The following NLRP1 variants were observed in gnomAD, a reference collection of about 807,000 sequenced individuals.
NLRP1 encodes the protein NLR family pyrin domain containing 1.
A neutral mutation model predicts 136.7 loss-of-function variants in NLRP1; 94 were observed. The observed-to-expected ratio is 0.69, with a 90% CI of 0.58 to 0.82. NLRP1 has a LOEUF of 0.82. NLRP1 is among the 40% of genes least tolerant of loss of function. The pLI is 0.00. For synonymous variants in NLRP1, 690 were observed against 725.1 expected (o/e 0.95, Z 0.78); for missense variants, 1,575 against 1,802.7 (o/e 0.87, Z 2.29).
chr17:5,514,754 T>G lies in NLRP1; in HGVS notation c.4422A>C (p.Ter1474CysextTer7). ...AGGGTCAAGGGCTGGTGTTGATACT[T>G]CAGCTGCTGAGTGGCAGGAGTCCCT... Reference protein sequence around the residue: ...SKKGLLPLSS* With the variant: ...SKKGLLPLSSC Residue 1474 changes from the stop codon to cysteine, a stop_lost, in exon 17 of 17, where the codon TGA (stop) becomes TGC (cysteine). Coordinates refer to ENST00000572272, the MANE Select transcript of NLRP1 (RefSeq NM_033004.4). 6.2e-7 allele frequency: 1 copy of G among 1,613,892 alleles called. No individual in the cohort carries two copies. The highest frequency in any genetic ancestry group is 8.5e-7 in the Non-Finnish European group (1 of 1,179,770).
rs1266176875 is a variant in NLRP1, at chr17:5,552,107, TTTTTTTTTA to T, written c.2528+1270_2528+1278del. On this transcript the variant is annotated intron_variant, in intron 5 of 16. Transcript: ENST00000572272. Reference sequence around the variant, plus strand: ...TCCTTTTTTTTTTTTTTTTTTTTTTTTTTTTTTTAAATAGAAGTATTTATAACTATAAAC... The same window carrying T: ...TCCTTTTTTTTTTTTTTTTTTTTTTTAATAGAAGTATTTATAACTATAAAC... Among the ~76,000 whole-genome samples the T allele has an allele frequency of 5.8e-5, 6 of 103,484 alleles. No homozygotes were observed. The East Asian group carries it at 8.1e-4, about 14-fold the overall frequency. 67.9% of individuals were successfully genotyped at this position (103,484 alleles called of 152,430 possible). A position where few individuals can be genotyped will look rare whatever the true frequency, so the allele number is the denominator to read the frequency against.
chr17:5,539,068 A>G (rs527659158), intron 7 of NLRP1, among the ~76,000 whole-genome samples: 1 of 152,292 alleles, frequency 6.6e-6, no homozygotes, highest in Non-Finnish European at 1.5e-5. Context: ...ATGGGGTTTC[A>G]GCATGTTGGC....
chr17:5,580,293 CAAAA>C (rs1905486868), intron 3 of NLRP1, among the ~76,000 whole-genome samples: 1 of 152,010 alleles, frequency 6.6e-6, no homozygotes, highest in African/African-American at 2.4e-5. Flanking sequence ...CAAAAACAAA[CAAAA>C]AACCCAACCT....
chr17:5,502,076 T>TA, intron 15 of NLRP1: 1 of 527,330 alleles, frequency 1.9e-6, no homozygotes, highest in Non-Finnish European at 3.5e-6. Flanking sequence ...CTCTCTATCC[T>TA]ACAGCGTTGC....
At chr17:5,572,200 A>T (rs570263357) in intron 3 of NLRP1, among the ~76,000 whole-genome samples, 23 of 152,366 alleles carry the variant, frequency 1.5e-4, no homozygotes, top group Admixed American at 4.6e-4. Context: ...CAAAAATTTC[A>T]TGAGGAAGAT....
intron 4 of NLRP1, 44 bp downstream of exon 4, chr17:5,558,294 TG>T: frequency 6.5e-7 from 1 of 1,550,354 alleles, no homozygotes; most frequent in Non-Finnish European, 8.7e-7. Context: ...CTCGGGCTTA[TG>T]GACTGACAGA....
At chr17:5,508,812 A>G (rs1297523177) in intron 15 of NLRP1, among the ~76,000 whole-genome samples, 1 of 152,210 alleles carries the variant, frequency 6.6e-6, no homozygotes, top group Admixed American at 6.5e-5. Flanking sequence ...TCCTGCAGAG[A>G]AAGACTGGAA....
chr17:5,572,367 A>G (rs1365785548), intron 3 of NLRP1, among the ~76,000 whole-genome samples: 1 of 152,216 alleles, frequency 6.6e-6, no homozygotes, highest in African/African-American at 2.4e-5. Flanking sequence ...AAGTTGGAAT[A>G]TCCAGAATCT....
intron 5 of NLRP1, among the ~76,000 whole-genome samples, chr17:5,548,659 C>T (rs912908228): frequency 3.9e-5 from 6 of 152,198 alleles, no homozygotes; most frequent in Non-Finnish European, 5.9e-5. Context: ...TCTGCATTCT[C>T]GCCTCTTCAT....
chr17:5,564,595 G>C (rs1312047231), intron 3 of NLRP1, among the ~76,000 whole-genome samples: 1 of 152,158 alleles, frequency 6.6e-6, no homozygotes. Flanking sequence ...TTCATCTGCT[G>C]ATGGACACTT....
rs753076278 is a variant in NLRP1 at position 5,582,702 on chromosome 17, T to A, written c.416A>T (p.Gln139Leu). The A allele has an allele frequency of 4.4e-5, 71 of 1,614,052 alleles. No individual in the cohort carries two copies. Among genetic ancestry groups the A allele is most frequent in the Non-Finnish European group, 1.7e-6 (2 of 1,180,024 alleles). ...GCGGCGTCCAGATGTGTCAGGCAGCTGTCTCAAAACCCTTCTCTCTGAGCC... is the reference window on the plus strand; with the variant it reads ...GCGGCGTCCAGATGTGTCAGGCAGCAGTCTCAAAACCCTTCTCTCTGAGCC... ...TQGSERRVLRQLPDTSGRRWR... is the reference protein window; with the variant it reads ...TQGSERRVLRLLPDTSGRRWR... Residue 139 changes from glutamine to leucine, a missense_variant, in exon 2 of 17, where the codon CAG becomes CTG. Gln to Leu is a moderately radical substitution (Grantham distance 113). Coordinates refer to ENST00000572272, the MANE Select transcript of NLRP1 (RefSeq NM_033004.4).
Position 5,583,772 on chromosome 17 carries a change from C to A in NLRP1, c.186G>T (p.Gly62=). The part of the protein sequence containing the change: ...EVASYLVAQY[G]EQRAWDLALH... The stretch of plus-strand genomic sequence containing the variant: ...GGGCTAGGTCCCAGGCCCGCTGCTC[C>A]CCATACTGAGCCACCAGGTACGAGG... Residue 62 remains glycine, a synonymous_variant, in exon 1 of 17, where the codon GGG becomes GGT. Coordinates refer to ENST00000572272, the MANE Select transcript of NLRP1 (RefSeq NM_033004.4). The surrounding 1 kb of genome is among the most constrained non-coding windows in gnomAD (Gnocchi z 4.5). The A allele has an allele frequency of 6.4e-7, 1 of 1,554,108 alleles. No homozygotes were observed. The highest frequency in any genetic ancestry group is 8.7e-7 in the Non-Finnish European group (1 of 1,148,352).
At chr17:5,512,387 A>G (rs1161827948), downstream of NLRP1, 1 of 1,075,688 alleles carries the variant, frequency 9.3e-7, no homozygotes, top group Admixed American at 1.7e-5. Context: ...CACTTGTAAC[A>G]TCTTCTAGTG....
Position 5,583,710 on chromosome 17 carries a change from C to T in NLRP1, c.248G>A (p.Cys83Tyr), listed in dbSNP as rs1196873238. 6.4e-7 allele frequency: 1 copy of T among 1,554,282 alleles called. No individual in the cohort carries two copies. Among genetic ancestry groups the T allele is most frequent in the Non-Finnish European group, 8.7e-7 (1 of 1,149,214 alleles). Residue 83 changes from cysteine to tyrosine, a missense_variant, in exon 1 of 17, where the codon TGC becomes TAC. By Grantham distance (194) the Cys-to-Tyr change is radical (BLOSUM62 -2). Coordinates refer to ENST00000572272, the MANE Select transcript of NLRP1 (RefSeq NM_033004.4). This position sits in a 1 kb window ranked among gnomAD's most constrained non-coding sequence, Gnocchi z 4.5. The stretch of plus-strand genomic sequence containing the variant: ...ACCTGCCCCTTCCTGGGCTTGGGCG[C>T]ACAGTGACCTCAGCCCCATCTGCTC... ...TWEQMGLRSL[C>Y]AQAQEGAGHS...
At chr17:5,562,079 C>A (rs979545863) in intron 3 of NLRP1, among the ~76,000 whole-genome samples, 2 of 152,184 alleles carry the variant, frequency 1.3e-5, no homozygotes, top group South Asian at 2.1e-4. Flanking sequence ...CAGGGAAACA[C>A]CCAGATGGCA....
intron 6 of NLRP1, among the ~76,000 whole-genome samples, chr17:5,540,061 G>A (rs549339337): frequency 9.2e-5 from 14 of 152,278 alleles, no homozygotes; most frequent in Admixed American, 7.2e-4. Context: ...TCCATTTTTC[G>A]GAAGTTAAGC....
At position 5,583,387 on chromosome 17, in the gene NLRP1, G is replaced by C. The variant is rs1009892186; in HGVS notation, c.271+300C>G. Among the ~76,000 whole-genome samples the C allele has an allele frequency of 2.7e-4, 41 of 152,304 alleles. No individual in the cohort carries two copies. The highest frequency in any genetic ancestry group is 9.9e-4 in the African/African-American group (41 of 41,558). On this transcript the variant is annotated intron_variant, in intron 1 of 16. Coordinates refer to ENST00000572272, the MANE Select transcript of NLRP1 (RefSeq NM_033004.4). The surrounding 1 kb of genome is among the most constrained non-coding windows in gnomAD (Gnocchi z 4.5). ...TGATTGGCCCAGGGTGATAGTGCCA[G>C]GACTGGTGATAGTGCCTGACTCCCA... is the stretch of plus-strand genomic sequence containing the variant.
chr17:5,512,391 T>G (rs566289729), downstream of NLRP1: 70 of 1,057,354 alleles, frequency 6.6e-5, 4 homozygotes, highest in African/African-American at 8.4e-4. Flanking sequence ...TGTAACATCT[T>G]CTAGTGCCCA....
chr17:5,574,459 C>T lies in NLRP1; in HGVS notation c.652+7400G>A, dbSNP rs551840550. Among the ~76,000 whole-genome samples, 24 of 152,110 alleles carry T rather than the reference C, an allele frequency of 1.6e-4. No individual in the cohort carries two copies. In the East Asian group the frequency reaches 4.4e-3, roughly 28 times the overall value. ...TCAAATTCAGGAGCTACAGAGAACA[C>T]CACAAAGATACTCCTTAAGAAGAGC... On this transcript the variant is annotated intron_variant, in intron 3 of 16. Transcript: ENST00000572272.
Sources: allele counts gnomAD v4.1 joint callset (sites outside exome capture counted in the v4.1 genomes callset), GRCh38; gene constraint gnomAD v4.1.1; non-coding constraint Gnocchi (gnomAD v3.1); transcripts MANE v1.5; gene names NCBI Gene and HGNC (gene_info 2026-07-23, HGNC 2026-07-21).